XPO6: variants seen among roughly 807,000 people sequenced by gnomAD.
The protein encoded by XPO6 is exportin 6.
A neutral mutation model predicts 130.0 loss-of-function variants in XPO6; 3 were observed. That is an observed-to-expected ratio of 0.02 (90% CI 0.01 to 0.06). The LOEUF is 0.06. Among genes scored for constraint, XPO6 ranks in the 10% least tolerant of loss-of-function variants. The pLI is 1.00. For missense variants in XPO6, 970 were observed against 1,393.0 expected (o/e 0.70, Z 4.83); for synonymous variants, 524 against 548.9 (o/e 0.95, Z 0.63).
At chr16:28,130,549 G>A (rs752265684) in intron 12 of XPO6, among the ~76,000 whole-genome samples, 4 of 152,212 alleles carry the variant, frequency 2.6e-5, no homozygotes, top group Admixed American at 1.3e-4. Flanking sequence ...AAAAATTGGG[G>A]AATGCTTTGT....
chr16:28,169,700 T>A, intron 5 of XPO6, 50 bp downstream of exon 5: 1 of 1,601,582 alleles, frequency 6.2e-7, no homozygotes, highest in South Asian at 1.1e-5. Flanking sequence ...GCCTGAACTC[T>A]GGGTGCCTGC....
In XPO6 at chr16:28,101,986, G is replaced by T; in HGVS notation, c.2947-41C>A. On this transcript the variant is annotated intron_variant, in intron 21 of 23. Transcript: ENST00000304658. The surrounding 1 kb of genome is among the most constrained non-coding windows in gnomAD (Gnocchi z 5.4). ...ACCATTTTATAAACTGCAAGACCAA[G>T]CACTTCTGGAGCATCTACCCCATGT... The T allele has an allele frequency of 6.4e-7, 1 of 1,554,914 alleles. No homozygotes were observed. Among genetic ancestry groups the T allele is most frequent in the Non-Finnish European group, 8.9e-7 (1 of 1,129,626 alleles).
At chr16:28,204,563 G>A (rs904818170) in intron 1 of XPO6, among the ~76,000 whole-genome samples, 7 of 152,160 alleles carry the variant, frequency 4.6e-5, no homozygotes, top group East Asian at 1.9e-4. Context: ...GATGTGACCC[G>A]TCTCACAAAC....
intron 1 of XPO6, among the ~76,000 whole-genome samples, chr16:28,196,828 T>C (rs1231427303): frequency 6.6e-6 from 1 of 152,188 alleles, no homozygotes; most frequent in Non-Finnish European, 1.5e-5. Flanking sequence ...CTGTGATCTC[T>C]GCACACAGAT....
chr16:28,098,855 C>T (rs1347723523), intron 23 of XPO6, among the ~76,000 whole-genome samples: 3 of 152,162 alleles, frequency 2.0e-5, no homozygotes, highest in Non-Finnish European at 4.4e-5. Flanking sequence ...TAGGGCCTCT[C>T]GGGTGCCAGA....
intron 1 of XPO6, among the ~76,000 whole-genome samples, chr16:28,196,622 C>T (rs961432367): frequency 1.3e-5 from 2 of 152,134 alleles, no homozygotes; most frequent in African/African-American, 2.4e-5. Context: ...AAATTTGATC[C>T]CCAATGTTGG....
intron 1 of XPO6, among the ~76,000 whole-genome samples, chr16:28,184,884 T>C (rs1021690944): frequency 1.3e-5 from 2 of 152,118 alleles, no homozygotes; most frequent in Admixed American, 1.3e-4. Flanking sequence ...CAGCTAAACA[T>C]ATGCATATCT....
Position 28,106,192 on chromosome 16 carries a change from G to A in XPO6, c.2635C>T (p.Leu879Phe). 1 of 1,614,148 alleles carries A rather than the reference G, an allele frequency of 6.2e-7. No individual in the cohort carries two copies. Among genetic ancestry groups the A allele is most frequent in the South Asian group, 1.1e-5 (1 of 91,080 alleles). ...CGGCAGCCTGTGCTGCCCTCGTGGA[G>A]GATGCTCTCGGCTAACTGCTCTCTA... ...FTREQLAESI[L>F]HEGSTGCRVV... The change falls in exon 20 of 24, where the codon CTC (leucine) becomes TTC (phenylalanine). Residue 879 changes from leucine to phenylalanine, a missense_variant. Transcript: ENST00000304658. The surrounding 1 kb of genome is among the most constrained non-coding windows in gnomAD (Gnocchi z 4.2).
At chr16:28,190,546 C>T (rs956835680) in intron 1 of XPO6, among the ~76,000 whole-genome samples, 2 of 152,042 alleles carry the variant, frequency 1.3e-5, no homozygotes, top group Non-Finnish European at 2.9e-5. Context: ...TTTTAAACAA[C>T]AAATCTAAAG....
At chr16:28,177,129 C>A in intron 3 of XPO6, 91 bp downstream of exon 3, 1 of 769,498 alleles carries the variant, frequency 1.3e-6, no homozygotes, top group Middle Eastern at 4.2e-4. Context: ...TACCCTCTCC[C>A]AGCACATTAC....
rs183006747 is a variant in XPO6, at chr16:28,135,416, T to C, written c.1335-92A>G. The C allele has an allele frequency of 3.5e-5, 35 of 989,076 alleles. No homozygotes were observed. In the African/African-American group the frequency reaches 4.5e-4, roughly 13 times the overall value. The allele number at this position is 989,076 out of a possible 1,614,324, so 61.3% of individuals were successfully genotyped here. A position where few individuals can be genotyped will look rare whatever the true frequency, so the allele number is the denominator to read the frequency against. On this transcript the variant is annotated intron_variant, in intron 9 of 23. Coordinates refer to ENST00000304658, the MANE Select transcript of XPO6 (RefSeq NM_015171.4). ...TGCACTATAAAAGAAATGGTGTCTA[T>C]GTTGATCACCATGGAAAAAGAGCAT...
chr16:28,205,447 C>G (rs2044013609), intron 1 of XPO6, among the ~76,000 whole-genome samples: 1 of 152,142 alleles, frequency 6.6e-6, no homozygotes, highest in Non-Finnish European at 1.5e-5. Flanking sequence ...ATATACCTTC[C>G]TGGGAAGCCT....
chr16:28,115,928 T>C (rs1274287578), intron 15 of XPO6, among the ~76,000 whole-genome samples: 1 of 152,246 alleles, frequency 6.6e-6, no homozygotes, highest in African/African-American at 2.4e-5. Context: ...CTTCCAACTC[T>C]TCTTCTGTAG....
At chr16:28,109,692 A>C (rs1332666709) in intron 17 of XPO6, among the ~76,000 whole-genome samples, 2 of 152,244 alleles carry the variant, frequency 1.3e-5, no homozygotes, top group African/African-American at 4.8e-5. Context: ...TTCTGGATCA[A>C]AGGAGACTAA....
intron 4 of XPO6, among the ~76,000 whole-genome samples, chr16:28,175,215 A>C (rs139465167): frequency 6.6e-6 from 1 of 151,292 alleles, no homozygotes; most frequent in East Asian, 1.9e-4. Context: ...ACCTCCACCC[A>C]CCAGGTCGTC....
intron 16 of XPO6, 133 bp from the exon 17 acceptor site, chr16:28,112,139 G>A: frequency 9.7e-7 from 1 of 1,025,978 alleles, no homozygotes; most frequent in East Asian, 2.6e-5. Context: ...CTTGCAACCT[G>A]GGCAAGGCCT....
At chr16:28,160,004 G>A (rs2043247791) in intron 6 of XPO6, among the ~76,000 whole-genome samples, 5 of 151,674 alleles carry the variant, frequency 3.3e-5, no homozygotes, top group Admixed American at 3.3e-4. Flanking sequence ...CGGCCAACAT[G>A]GTGAAACCCT....
intron 14 of XPO6, among the ~76,000 whole-genome samples, chr16:28,121,120 G>C (rs968452239): frequency 6.6e-5 from 10 of 152,234 alleles, no homozygotes; most frequent in African/African-American, 2.2e-4. Context: ...AGTTTCTGTA[G>C]GTAGAGAGTG....
rs2043831374 is a variant in XPO6 at position 28,194,638 on chromosome 16, A to G, written c.4-13607T>C. ...CTACAGAGCACCAGAAAAGCCCTGC[A>G]CTAAAGCCCTTCCCAGCTTTGTGAT... On this transcript the variant is annotated intron_variant, in intron 1 of 23. Transcript: ENST00000304658. Among the ~76,000 whole-genome samples the G allele has an allele frequency of 4.6e-5, 7 of 152,148 alleles. No individual in the cohort carries two copies. The South Asian group carries it at 1.5e-3, about 32-fold the overall frequency.
Sources: allele counts gnomAD v4.1 joint callset (sites outside exome capture counted in the v4.1 genomes callset), GRCh38; gene constraint gnomAD v4.1.1; non-coding constraint Gnocchi (gnomAD v3.1); transcripts MANE v1.5; gene names NCBI Gene and HGNC (gene_info 2026-07-23, HGNC 2026-07-21).